WNT7A: variants seen among roughly 807,000 people sequenced by gnomAD.
The protein encoded by WNT7A is protein Wnt-7a.
Under a neutral mutation model 28.2 loss-of-function variants are expected in WNT7A, and 16 were observed. That is an observed-to-expected ratio of 0.57 (90% CI 0.38 to 0.86). The LOEUF (loss-of-function observed/expected upper bound fraction) is 0.86. Among genes scored for constraint, WNT7A ranks in the 40% least tolerant of loss-of-function variants. The pLI is 0.00. For synonymous variants in WNT7A, 190 were observed against 195.9 expected (o/e 0.97, Z 0.25); for missense variants, 411 against 489.7 (o/e 0.84, Z 1.52).
At chr3:13,870,346 T>G (rs1445883200) in intron 2 of WNT7A, among the ~76,000 whole-genome samples, 1 of 152,140 alleles carries the variant, frequency 6.6e-6, no homozygotes, top group Non-Finnish European at 1.5e-5. Context: ...AAAGGCCATG[T>G]GAGAACCCAG....
rs1203355417 is a variant in WNT7A at position 13,818,948 on chromosome 3, T to A, written c.1046A>T (p.Lys349Met). Residue 349 changes from lysine (K) to methionine (M), a missense_variant, in exon 4 of 4, where the codon AAG becomes ATG. By Grantham distance (95) the Lys-to-Met change is moderately conservative. Transcript: ENST00000285018. ...AGGGTGGTGTGCACACGGGGCTCAC[T>A]TGCACGTGTACATCTCCGTGCGCTC... ...CSERTEMYTC[K>M] The A allele has an allele frequency of 6.4e-7, 1 of 1,570,534 alleles. No individual in the cohort carries two copies. The highest frequency in any genetic ancestry group is 8.7e-7 in the Non-Finnish European group (1 of 1,152,540).
At chr3:13,864,535 C>CTAGA (rs1230653873) in intron 2 of WNT7A, among the ~76,000 whole-genome samples, 1 of 152,204 alleles carries the variant, frequency 6.6e-6, no homozygotes, top group Admixed American at 6.5e-5. Context: ...TTCTCTTCCA[C>CTAGA]TAGATCCTCA....
At chr3:13,832,572 C>A (rs1320790104) in intron 3 of WNT7A, among the ~76,000 whole-genome samples, 1 of 152,204 alleles carries the variant, frequency 6.6e-6, no homozygotes, top group African/African-American at 2.4e-5. Flanking sequence ...CCATGTCGAT[C>A]CATCTTAGCA....
At chr3:13,874,899 T>C (rs1695080830) in intron 2 of WNT7A, 48 bp downstream of exon 2, 2 of 1,585,434 alleles carry the variant, frequency 1.3e-6, no homozygotes, top group Non-Finnish European at 1.7e-6. Flanking sequence ...TATTCTGGTG[T>C]CCCTAGAGCC....
At chr3:13,862,202 T>C (rs1237146947) in intron 2 of WNT7A, among the ~76,000 whole-genome samples, 1 of 152,156 alleles carries the variant, frequency 6.6e-6, no homozygotes, top group Non-Finnish European at 1.5e-5. Flanking sequence ...AGGTGCTGGA[T>C]AAAGAACGAT....
chr3:13,878,275 C>T (rs1013077853), intron 1 of WNT7A, among the ~76,000 whole-genome samples: 3 of 152,122 alleles, frequency 2.0e-5, no homozygotes, highest in Non-Finnish European at 2.9e-5. Flanking sequence ...ACCCGTGTCC[C>T]TCCTCCCCGT....
chr3:13,875,064 C>T lies in WNT7A; in HGVS notation c.181G>A (p.Val61Ile), dbSNP rs769197359. 1.7e-5 allele frequency: 28 copies of T among 1,614,106 alleles called. No individual in the cohort carries two copies. In the Middle Eastern group the frequency reaches 1.8e-3, roughly 104 times the overall value. The change falls in exon 2 of 4, where the codon GTC becomes ATC. Residue 61 changes from valine to isoleucine, a missense_variant. Val to Ile is a conservative substitution (Grantham distance 29, BLOSUM62 3). Transcript: ENST00000285018. ...ICQSRPDAII[V>I]IGEGSQMGLD... is the part of the protein sequence containing the mutation. ...CCCATTTGTGAGCCTTCTCCTATGACGATGATGGCGTCGGGCCGGCTCTGG... is the reference window on the plus strand; with the variant it reads ...CCCATTTGTGAGCCTTCTCCTATGATGATGATGGCGTCGGGCCGGCTCTGG...
Position 13,875,554 on chromosome 3 carries a change from C to T in WNT7A, c.72-381G>A, listed in dbSNP as rs976760739. 3.3e-5 allele frequency among the ~76,000 whole-genome samples: 5 copies of T among 152,132 alleles called. No individual in the cohort carries two copies. The East Asian group carries it at 9.6e-4, about 29-fold the overall frequency. ...AAGCTCTATATTGCTAGGGAATCAT[C>T]TCTTTGGTAAAATTGTAAAGGCAAG... is the stretch of plus-strand genomic sequence containing the variant. On this transcript the variant is annotated intron_variant, in intron 1 of 3. Coordinates refer to ENST00000285018, the MANE Select transcript of WNT7A (RefSeq NM_004625.4).
chr3:13,855,258 A>C (rs936919861), intron 2 of WNT7A, among the ~76,000 whole-genome samples: 3 of 152,246 alleles, frequency 2.0e-5, no homozygotes, highest in Non-Finnish European at 4.4e-5. Flanking sequence ...TCCCAGGAAC[A>C]TCAATCCCTG....
At chr3:13,870,188 G>A (rs1338895396) in intron 2 of WNT7A, among the ~76,000 whole-genome samples, 3 of 152,166 alleles carry the variant, frequency 2.0e-5, no homozygotes, top group Non-Finnish European at 4.4e-5. Flanking sequence ...CTCAGAGTGT[G>A]ACTGCATTTA....
intron 2 of WNT7A, among the ~76,000 whole-genome samples, chr3:13,873,634 C>A (rs1443031897): frequency 6.6e-5 from 10 of 152,136 alleles, no homozygotes; most frequent in Non-Finnish European, 1.2e-4. Context: ...GGAGTAGAGC[C>A]CCTGCCCTCA....
At chr3:13,862,460 A>G (rs1308561018) in intron 2 of WNT7A, among the ~76,000 whole-genome samples, 5 of 152,248 alleles carry the variant, frequency 3.3e-5, no homozygotes, top group Admixed American at 2.0e-4. Flanking sequence ...TTTAAAGCCA[A>G]TGGGTCAGAG....
chr3:13,842,540 A>T (rs539042608), intron 3 of WNT7A, among the ~76,000 whole-genome samples: 1 of 152,270 alleles, frequency 6.6e-6, no homozygotes, highest in East Asian at 1.9e-4. Flanking sequence ...GGCTTGGATC[A>T]TGAGCTCGGG....
chr3:13,856,963 A>AAGAAGAAGAAGG (rs1559303383), intron 2 of WNT7A, among the ~76,000 whole-genome samples: 2 of 115,306 alleles, frequency 1.7e-5, no homozygotes, highest in African/African-American at 8.3e-5. Context: ...GAAGAAGAAG[A>AAGAAGAAGAAGG]AGAAGGAGAA....
At chr3:13,869,439 A>G (rs201158468) in intron 2 of WNT7A, among the ~76,000 whole-genome samples, 9 of 140,644 alleles carry the variant, frequency 6.4e-5, no homozygotes, top group Non-Finnish European at 1.1e-4. Flanking sequence ...AAGAAGAAAG[A>G]AAAGAAAAAG....
chr3:13,847,290 A>G (rs1429368072), intron 3 of WNT7A, among the ~76,000 whole-genome samples: 1 of 152,054 alleles, frequency 6.6e-6, no homozygotes, highest in Non-Finnish European at 1.5e-5. Context: ...CAAGCCCACC[A>G]TGGACCTCCT....
intron 3 of WNT7A, among the ~76,000 whole-genome samples, chr3:13,825,795 G>T (rs991530652): frequency 2.0e-5 from 3 of 152,212 alleles, no homozygotes; most frequent in African/African-American, 7.2e-5. Context: ...CCCCATCAAG[G>T]CTTTGCTGGG....
At chr3:13,848,797 T>C (rs956801110) in intron 3 of WNT7A, among the ~76,000 whole-genome samples, 1 of 152,100 alleles carries the variant, frequency 6.6e-6, no homozygotes, top group Non-Finnish European at 1.5e-5. Context: ...TGTACACACA[T>C]GGACACAGCA....
At chr3:13,878,762 T>A (rs1170121213) in intron 1 of WNT7A, among the ~76,000 whole-genome samples, 8 of 152,120 alleles carry the variant, frequency 5.3e-5, no homozygotes, top group Admixed American at 5.2e-4. Flanking sequence ...GCAGGGTGTG[T>A]GAGACCTACC....
Sources: gnomAD v4.1 joint callset for allele counts (sites outside exome capture counted in the v4.1 genomes callset) on GRCh38, gnomAD v4.1.1 for gene constraint, MANE v1.5 for transcripts, NCBI Gene and HGNC (gene_info 2026-07-23, HGNC 2026-07-21) for gene names.